Variants in DCDC1 observed in about 807,000 individuals in gnomAD.
The protein encoded by DCDC1 is doublecortin domain-containing protein 1.
In DCDC1, 200 loss-of-function variants were observed where a neutral mutation model predicts 178.3. The ratio of observed to expected loss-of-function variants is 1.12; its 90% CI spans 1.00 to 1.26. The LOEUF is 1.26. Ranked by LOEUF, DCDC1 falls within the 50% of genes most tolerant of loss-of-function variation. The pLI, the probability that DCDC1 is intolerant of heterozygous loss-of-function variation, is 0.00. For synonymous variants in DCDC1, 690 were observed against 604.8 expected, an observed-to-expected ratio of 1.14 and a Z score of -2.07; for missense variants, 1,983 against 1,749.2, an observed-to-expected ratio of 1.13 and a Z score of -2.38.
chr11:30,984,842 A>G (rs1268213125), intron 20 of DCDC1, among the ~76,000 whole-genome samples: 1 of 152,204 alleles, frequency 6.6e-6, no homozygotes, highest in Non-Finnish European at 1.5e-5. Context: ...GTGCTGATAC[A>G]TTTGGAAACA....
chr11:30,936,892 C>T (rs556399549), intron 21 of DCDC1, among the ~76,000 whole-genome samples: 7 of 152,226 alleles, frequency 4.6e-5, no homozygotes, highest in African/African-American at 1.4e-4. Context: ...AGTCTTTTCT[C>T]CCTTAAATAG....
intron 21 of DCDC1, among the ~76,000 whole-genome samples, chr11:30,932,256 T>G (rs1313023012): frequency 2.6e-5 from 4 of 152,190 alleles, no homozygotes; most frequent in Non-Finnish European, 5.9e-5. Context: ...TTTGCTTACA[T>G]GTTAAATATC....
chr11:30,905,909 A>G (rs1052964909), intron 30 of DCDC1, among the ~76,000 whole-genome samples: 2 of 152,222 alleles, frequency 1.3e-5, no homozygotes, highest in Non-Finnish European at 2.9e-5. Context: ...CCTGAAGAGC[A>G]CACCAGACTG....
chr11:31,169,660 T>G (rs1254398592), intron 9 of DCDC1, among the ~76,000 whole-genome samples: 1 of 152,198 alleles, frequency 6.6e-6, no homozygotes, highest in Non-Finnish European at 1.5e-5. Flanking sequence ...TATTATTATT[T>G]GCAAGACACT....
At chr11:31,342,048 C>A (rs564861778) in intron 1 of DCDC1, among the ~76,000 whole-genome samples, 15 of 152,236 alleles carry the variant, frequency 9.9e-5, no homozygotes, top group Non-Finnish European at 2.1e-4. Context: ...GGCAGCACCA[C>A]CAATAGTACC....
intron 10 of DCDC1, among the ~76,000 whole-genome samples, chr11:31,132,113 A>C (rs1188196182): frequency 6.6e-6 from 1 of 152,350 alleles, no homozygotes; most frequent in Non-Finnish European, 1.5e-5. Context: ...ATGTGAAACA[A>C]AATTACACCA....
intron 36 of DCDC1, chr11:30,882,447 TA>T (rs1262672806): frequency 6.4e-5 from 7 of 109,764 alleles, no homozygotes; most frequent in East Asian, 4.4e-4. Context: ...TATTTTTATA[TA>T]TTTTTTTATC....
chr11:31,127,029 C>T (rs1039821653), intron 11 of DCDC1, among the ~76,000 whole-genome samples: 9 of 152,170 alleles, frequency 5.9e-5, no homozygotes, highest in Non-Finnish European at 1.0e-4. Flanking sequence ...AGATGCTTTT[C>T]CTTGGAAATG....
intron 9 of DCDC1, among the ~76,000 whole-genome samples, chr11:31,176,817 G>A (rs1968098876): frequency 6.6e-6 from 1 of 152,140 alleles, no homozygotes; most frequent in African/African-American, 2.4e-5. Context: ...CTTAAGAAAT[G>A]AAGGGGAAAT....
At chr11:31,232,392 A>G (rs1975887063) in intron 9 of DCDC1, among the ~76,000 whole-genome samples, 1 of 152,190 alleles carries the variant, frequency 6.6e-6, no homozygotes, top group Non-Finnish European at 1.5e-5. Context: ...TTAAAAAAAT[A>G]TAACCACTCT....
At chr11:31,281,271 C>T (rs541489617) in intron 7 of DCDC1, among the ~76,000 whole-genome samples, 2 of 152,016 alleles carry the variant, frequency 1.3e-5, no homozygotes, top group Admixed American at 6.6e-5. Context: ...CAGGGTAGGG[C>T]CCCCAATAGC....
At chr11:30,977,718 TC>T (rs1950177523) in intron 20 of DCDC1, among the ~76,000 whole-genome samples, 1 of 152,084 alleles carries the variant, frequency 6.6e-6, no homozygotes, top group East Asian at 1.9e-4. Flanking sequence ...TTGCCTGAGC[TC>T]AGGTGTTCGA....
In DCDC1 at chr11:31,307,669, C is replaced by A. The variant is rs772289094; in HGVS notation, c.404G>T (p.Arg135Ile). ...TTGACCCACTGGAGCACTGACAGGT[C>A]TGTTTCTCTTGGATGCTGATATAGA... ...SCSISASKRN[R>I]PVSAPVGQLR... Residue 135 changes from arginine (R) to isoleucine (I), a missense_variant, in exon 4 of 39, where the codon AGA (arginine) becomes ATA (isoleucine). Transcript: ENST00000684477. The A allele has an allele frequency of 3.7e-6, 6 of 1,614,060 alleles. No individual in the cohort carries two copies. The highest frequency in any genetic ancestry group is 1.7e-6 in the Non-Finnish European group (2 of 1,179,952).
At chr11:30,967,951 A>G (rs1169198727) in intron 20 of DCDC1, among the ~76,000 whole-genome samples, 1 of 152,140 alleles carries the variant, frequency 6.6e-6, no homozygotes, top group African/African-American at 2.4e-5. Context: ...GAGGTATGGG[A>G]AAAGAATGAA....
chr11:31,185,306 G>A (rs1969343289), intron 9 of DCDC1, among the ~76,000 whole-genome samples: 1 of 152,164 alleles, frequency 6.6e-6, no homozygotes, highest in Non-Finnish European at 1.5e-5. Flanking sequence ...AATACCTAAT[G>A]TAGATGACGG....
intron 27 of DCDC1, among the ~76,000 whole-genome samples, chr11:30,913,875 G>T (rs1229790986): frequency 2.6e-5 from 4 of 152,122 alleles, no homozygotes; most frequent in Admixed American, 2.6e-4. Context: ...CATTCCCCAT[G>T]CATGTCCACC....
intron 20 of DCDC1, among the ~76,000 whole-genome samples, chr11:31,032,735 A>C (rs75112416): frequency 0.022 from 3,278 of 152,306 alleles, 61 homozygotes; most frequent in Non-Finnish European, 0.035. Context: ...TTGAAAGAAG[A>C]GAGTTGGTTT....
intron 20 of DCDC1, among the ~76,000 whole-genome samples, chr11:30,990,471 C>T (rs1256025591): frequency 6.6e-6 from 1 of 152,062 alleles, no homozygotes; most frequent in African/African-American, 2.4e-5. Flanking sequence ...CTTTATGAGT[C>T]GTGGGCTCTC....
chr11:31,036,218 T>G (rs1018579125), intron 20 of DCDC1, among the ~76,000 whole-genome samples: 6 of 152,236 alleles, frequency 3.9e-5, no homozygotes, highest in Non-Finnish European at 8.8e-5. Flanking sequence ...AGATAGGCAT[T>G]TGTTGACTGT....
Sources: allele counts gnomAD v4.1 joint callset (sites outside exome capture counted in the v4.1 genomes callset), GRCh38; gene constraint gnomAD v4.1.1; transcripts MANE v1.5; gene names NCBI Gene and HGNC (gene_info 2026-07-23, HGNC 2026-07-21).